Variants in NCKAP5 observed in about 807,000 individuals in gnomAD.
NCKAP5 encodes nck-associated protein 5.
NCKAP5 carries 92 observed loss-of-function variants against 167.0 expected under a neutral mutation model. The observed-to-expected ratio is 0.55, with a 90% CI of 0.47 to 0.66. The LOEUF (loss-of-function observed/expected upper bound fraction) is 0.66, where lower values mean the gene tolerates loss of function less well. Ranked by LOEUF, NCKAP5 falls within the 30% of genes least tolerant of loss-of-function variation. The pLI is 0.00. For synonymous variants in NCKAP5, 891 were observed against 877.4 expected (o/e 1.02, Z -0.27); for missense variants, 2,378 against 2,315.0 (o/e 1.03, Z -0.56).
At chr2:133,322,850 TC>T (rs1682156675) in intron 3 of NCKAP5, among the ~76,000 whole-genome samples, 1 of 152,106 alleles carries the variant, frequency 6.6e-6, no homozygotes, top group Non-Finnish European at 1.5e-5. Context: ...GACTGCAGGG[TC>T]CCACCCCCAA....
chr2:132,814,690 C>G (rs534115294), intron 11 of NCKAP5, among the ~76,000 whole-genome samples: 3 of 152,140 alleles, frequency 2.0e-5, no homozygotes, highest in Non-Finnish European at 4.4e-5. Context: ...AGCTGCTCGT[C>G]GATTTCCCCA....
At chr2:133,215,709 C>A (rs186742351) in intron 4 of NCKAP5, among the ~76,000 whole-genome samples, 2 of 152,066 alleles carry the variant, frequency 1.3e-5, no homozygotes, top group Admixed American at 6.6e-5. Context: ...GTAACAGAAG[C>A]AAGTACAAAA....
chr2:133,296,740 T>C (rs16823380), intron 4 of NCKAP5, among the ~76,000 whole-genome samples: 30,487 of 152,180 alleles, frequency 0.2, 3,427 homozygotes, highest in African/African-American at 0.3. Context: ...GAGATGTTAT[T>C]TAGCAGCCAG....
rs149077673 is a variant in NCKAP5 at position 133,184,925 on chromosome 2, C to T, written c.207+28791G>A. On this transcript the variant is annotated intron_variant, in intron 5 of 19. Transcript: ENST00000409261. ...TCCCAACATACAGGTTTTCTGTTTA[C>T]TCTGTTGAAAGTTTATTTTGCTATG... is the stretch of plus-strand genomic sequence containing the variant. Among the ~76,000 whole-genome samples, 295 of 152,232 alleles carry T rather than the reference C, an allele frequency of 1.9e-3. 3 individuals are homozygous for T. Among genetic ancestry groups the T allele is most frequent in the Middle Eastern group, 6.8e-3 (2 of 294 alleles).
intron 16 of NCKAP5, among the ~76,000 whole-genome samples, chr2:132,748,715 ATT>A (rs1309731176): frequency 6.6e-6 from 1 of 151,750 alleles, no homozygotes; most frequent in African/African-American, 2.4e-5. Context: ...CTCCTTTGGT[ATT>A]TATTTATTTT....
intron 2 of NCKAP5, among the ~76,000 whole-genome samples, chr2:133,521,685 C>G (rs1275871200): frequency 6.6e-6 from 1 of 152,208 alleles, no homozygotes; most frequent in Non-Finnish European, 1.5e-5. Flanking sequence ...TCTAAGGACA[C>G]CAGTTGTAGC....
intron 8 of NCKAP5, among the ~76,000 whole-genome samples, chr2:132,912,414 G>A (rs1694524732): frequency 6.6e-6 from 1 of 152,176 alleles, no homozygotes; most frequent in African/African-American, 2.4e-5. Flanking sequence ...GATTTCATCT[G>A]CAGAGCCTTC....
At chr2:132,723,139 T>C (rs1288460461) in intron 19 of NCKAP5, among the ~76,000 whole-genome samples, 1 of 129,290 alleles carries the variant, frequency 7.7e-6, no homozygotes, top group Non-Finnish European at 1.6e-5. Context: ...AGCCAGGTGG[T>C]ATTTTTTTTT....
Position 132,673,294 on chromosome 2 carries a change from T to A in NCKAP5, c.5725A>T (p.Thr1909Ser), listed in dbSNP as rs1398920670. The A allele has an allele frequency of 6.7e-7, 1 of 1,494,592 alleles. No homozygotes were observed. Among genetic ancestry groups the A allele is most frequent in the Non-Finnish European group, 9.0e-7 (1 of 1,111,152 alleles). The allele number at this position is 1,494,592 out of a possible 1,614,324, so 92.6% of individuals were successfully genotyped here. ...LKSAAPEIET[T>S] ...CGGGATCGTCTTTTGTTTCTTCAAGTTGTCTCAATTTCTGCAATAAAAAGA... is the reference window on the plus strand; with the variant it reads ...CGGGATCGTCTTTTGTTTCTTCAAGATGTCTCAATTTCTGCAATAAAAAGA... Residue 1909 changes from threonine (T) to serine (S), a missense_variant, in exon 20 of 20, where the codon ACT becomes TCT. Thr to Ser is a moderately conservative substitution (Grantham distance 58). This residue lies in a region of NCKAP5 where 1,325 missense variants were observed against 1,274.5 expected (regional missense o/e 1.04). Coordinates refer to ENST00000409261, the MANE Select transcript of NCKAP5 (RefSeq NM_207363.3).
At chr2:132,893,011 A>C (rs1157636297) in intron 8 of NCKAP5, among the ~76,000 whole-genome samples, 1 of 151,942 alleles carries the variant, frequency 6.6e-6, no homozygotes, top group South Asian at 2.1e-4. Context: ...AAAAAAAAAA[A>C]AAAACCAGAA....
chr2:133,152,304 C>T (rs1253133238), intron 5 of NCKAP5, among the ~76,000 whole-genome samples: 1 of 152,136 alleles, frequency 6.6e-6, no homozygotes, highest in Non-Finnish European at 1.5e-5. Flanking sequence ...ACAGTTTTCC[C>T]CCCTTTGGAA....
At chr2:132,959,020 T>TA (rs1388009023) in intron 8 of NCKAP5, among the ~76,000 whole-genome samples, 1 of 147,910 alleles carries the variant, frequency 6.8e-6, no homozygotes, top group African/African-American at 2.5e-5. Context: ...AGAAGATATT[T>TA]AATATATTTA....
At chr2:132,767,945 T>C (rs16841046) in intron 16 of NCKAP5, among the ~76,000 whole-genome samples, 9,838 of 152,244 alleles carry the variant, frequency 0.065, 735 homozygotes, top group Admixed American at 0.18. Context: ...CAAGGAAAGT[T>C]AGAGCATCAG....
At chr2:132,965,325 T>A (rs58125250) in intron 7 of NCKAP5, among the ~76,000 whole-genome samples, 1 of 152,116 alleles carries the variant, frequency 6.6e-6, no homozygotes, top group African/African-American at 2.4e-5. Context: ...AGCATTTTTA[T>A]AGCTTTGATT....
chr2:133,425,907 G>C (rs1689762256), intron 3 of NCKAP5, among the ~76,000 whole-genome samples: 1 of 152,098 alleles, frequency 6.6e-6, no homozygotes, highest in Non-Finnish European at 1.5e-5. Context: ...AAGTGAACGA[G>C]GAAAAGGCAA....
intron 16 of NCKAP5, among the ~76,000 whole-genome samples, chr2:132,743,681 T>A (rs1679399410): frequency 6.6e-6 from 1 of 151,614 alleles, no homozygotes; most frequent in African/African-American, 2.4e-5. Flanking sequence ...AATCCAACCA[T>A]TTAGATAATT....
chr2:132,679,139 C>T (rs913302711), intron 19 of NCKAP5, among the ~76,000 whole-genome samples: 1 of 152,144 alleles, frequency 6.6e-6, no homozygotes, highest in African/African-American at 2.4e-5. Context: ...AACAAGGTTT[C>T]CATCTGTAAA....
chr2:133,289,726 CAAAA>C (rs34917850), intron 4 of NCKAP5, among the ~76,000 whole-genome samples: 19 of 102,798 alleles, frequency 1.8e-4, no homozygotes, highest in Non-Finnish European at 3.1e-4. Flanking sequence ...AACAAACAAA[CAAAA>C]AAAAACAGCA....
At chr2:133,242,748 A>C (rs144737779) in intron 4 of NCKAP5, among the ~76,000 whole-genome samples, 1 of 152,374 alleles carries the variant, frequency 6.6e-6, no homozygotes, top group African/African-American at 2.4e-5. Context: ...TCAAGGATGC[A>C]TAAATGTAAA....
Sources: allele counts gnomAD v4.1 joint callset (sites outside exome capture counted in the v4.1 genomes callset), GRCh38; gene constraint gnomAD v4.1.1; regional missense constraint gnomAD v4.1.1; transcripts MANE v1.5; gene names NCBI Gene and HGNC (gene_info 2026-07-23, HGNC 2026-07-21).